Variants in LRRC27 observed in about 807,000 individuals in gnomAD.
The protein encoded by LRRC27 is leucine rich repeat containing 27.
A neutral mutation model predicts 55.0 loss-of-function variants in LRRC27; 57 were observed. The observed-to-expected ratio is 1.04, with a 90% CI of 0.84 to 1.29. The LOEUF (loss-of-function observed/expected upper bound fraction) is 1.29. Ranked by LOEUF, LRRC27 falls within the 50% of genes most tolerant of loss-of-function variation. The pLI is 0.00. For missense variants in LRRC27, 721 were observed against 651.5 expected (o/e 1.11, Z -1.16); for synonymous variants, 278 against 251.9 (o/e 1.10, Z -0.98).
intron 8 of LRRC27, among the ~76,000 whole-genome samples, chr10:132,357,813 G>A (rs377605576): frequency 6.6e-6 from 1 of 152,256 alleles, no homozygotes; most frequent in Non-Finnish European, 1.5e-5. Context: ...TTGATGGCCT[G>A]CTCTGAGCAG....
At chr10:132,364,782 ACGCCC>A (rs2068954916) in intron 9 of LRRC27, among the ~76,000 whole-genome samples, 1 of 118,554 alleles carries the variant, frequency 8.4e-6, no homozygotes, top group African/African-American at 3.6e-5. Flanking sequence ...ATCTACCTCC[ACGCCC>A]ACACTCACAC....
chr10:132,359,218 G>T (rs1000212496), intron 8 of LRRC27, among the ~76,000 whole-genome samples: 1 of 152,018 alleles, frequency 6.6e-6, no homozygotes, highest in Non-Finnish European at 1.5e-5. Flanking sequence ...GCCACCAGCT[G>T]CTCGGAAGGC....
chr10:132,362,831 C>A (rs1265588631), intron 9 of LRRC27, among the ~76,000 whole-genome samples: 1 of 147,810 alleles, frequency 6.8e-6, no homozygotes, highest in African/African-American at 2.6e-5. Context: ...TCTTACCTCA[C>A]AGCAGCTCGG....
chr10:132,337,391 T>C, intron 2 of LRRC27, 174 bp from the exon 3 acceptor site: 1 of 1,384,354 alleles, frequency 7.2e-7, no homozygotes, highest in East Asian at 2.6e-5. Context: ...TTCTTTCTGA[T>C]TCTTTTGTCT....
rs76759658 is a variant in LRRC27, at chr10:132,358,679, T to C, written c.1171-2778T>C. Among the ~76,000 whole-genome samples the C allele has an allele frequency of 1.8e-3, 38 of 21,368 alleles. 1 individual carries two copies. Among genetic ancestry groups the C allele is most frequent in the East Asian group, 0.016 (6 of 374 alleles). The allele number at this position is 21,368 out of a possible 152,430, so 14.0% of individuals were successfully genotyped here. A position where few individuals can be genotyped will look rare whatever the true frequency, so the allele number is the denominator to read the frequency against. On this transcript the variant is annotated intron_variant, in intron 8 of 10. Coordinates refer to ENST00000368614, the MANE Select transcript of LRRC27 (RefSeq NM_030626.3). Reference sequence around the variant, plus strand: ...GGGAGGAGCCGAGGTGGTGGAGCAGTGTGGGGAGGAGCCGAGGTGGTAGAG... The same window carrying C: ...GGGAGGAGCCGAGGTGGTGGAGCAGCGTGGGGAGGAGCCGAGGTGGTAGAG...
upstream of LRRC27, chr10:132,331,363 G>A (rs942718432): frequency 2.0e-5 from 29 of 1,474,894 alleles, no homozygotes; most frequent in South Asian, 3.2e-4. Context: ...AGGACCACGC[G>A]AGCACCTCCC....
rs2068282184 is a variant in LRRC27, at chr10:132,355,835, G to A, written c.1119G>A (p.Met373Ile). ...LQEWRERAQR[M>I]RKRKEELSKL... is the part of the protein sequence containing the mutation. ...AGTGGAGAGAGCGAGCCCAGAGGATGAGGAAGAGGAAGGAAGAGCTCAGCA... is the reference window on the plus strand; with the variant it reads ...AGTGGAGAGAGCGAGCCCAGAGGATAAGGAAGAGGAAGGAAGAGCTCAGCA... The change falls in exon 8 of 11, where the codon ATG becomes ATA. Residue 373 changes from methionine to isoleucine, a missense_variant. Physicochemically the swap from Met to Ile is conservative, Grantham distance 10 (BLOSUM62 1). Transcript: ENST00000368614. 2 of 1,558,866 alleles carry A rather than the reference G, an allele frequency of 1.3e-6. No homozygotes were observed. Among genetic ancestry groups the A allele is most frequent in the East Asian group, 2.4e-5 (1 of 41,356 alleles).
chr10:132,337,957 G>A (rs368218646), intron 3 of LRRC27, among the ~76,000 whole-genome samples: 1 of 152,288 alleles, frequency 6.6e-6, no homozygotes, highest in African/African-American at 2.4e-5. Context: ...TGTCACAGCC[G>A]ATTCCAGCTC....
intron 10 of LRRC27, among the ~76,000 whole-genome samples, chr10:132,373,673 A>C (rs1252456961): frequency 6.6e-6 from 1 of 152,196 alleles, no homozygotes; most frequent in African/African-American, 2.4e-5. Flanking sequence ...TGTTCTATCA[A>C]AACAAGGGAG....
chr10:132,353,452 GCA>G (rs2068163867), intron 7 of LRRC27: 1 of 984,240 alleles, frequency 1.0e-6, no homozygotes, highest in African/African-American at 1.7e-5. Context: ...GCTGTGTCCA[GCA>G]CACAGATTCT....
In LRRC27 at chr10:132,351,674, G is replaced by A. The variant is rs765629655; in HGVS notation, c.994G>A (p.Ala332Thr). The change falls in exon 7 of 11, where the codon GCA becomes ACA. Residue 332 changes from alanine (A) to threonine (T), a missense_variant. Transcript: ENST00000368614. ...LLSPYQMAIRAKRLEESRAAA... is the reference protein window; with the variant it reads ...LLSPYQMAIRTKRLEESRAAA... ...GTCACCGTACCAAATGGCGATCCGA[G>A]CAAAAAGACTGGAAGAGAGCCGAGC... is the stretch of plus-strand genomic sequence containing the variant. 1.2e-6 allele frequency: 2 copies of A among 1,614,052 alleles called. No homozygotes were observed. Among genetic ancestry groups the A allele is most frequent in the Non-Finnish European group, 1.7e-6 (2 of 1,180,010 alleles).
chr10:132,364,755 C>CCG lies in LRRC27; in HGVS notation c.1290-669_1290-668insCG, dbSNP rs1564854868. On this transcript the variant is annotated intron_variant, in intron 9 of 10. Coordinates refer to ENST00000368614, the MANE Select transcript of LRRC27 (RefSeq NM_030626.3). The stretch of plus-strand genomic sequence containing the variant: ...ACTTACATCTACCTCCACGCCCACA[C>CCG]TTACACTCATGCTTACATCTACCTC... 5.6e-5 allele frequency among the ~76,000 whole-genome samples: 8 copies of CCG among 143,138 alleles called. 1 individual carries two copies. Among genetic ancestry groups the CCG allele is most frequent in the African/African-American group, 1.0e-4 (4 of 38,768 alleles). The allele number at this position is 143,138 out of a possible 152,430, so 93.9% of individuals were successfully genotyped here.
chr10:132,365,164 G>A (rs1329146252), intron 9 of LRRC27, among the ~76,000 whole-genome samples: 1 of 152,240 alleles, frequency 6.6e-6, no homozygotes, highest in Non-Finnish European at 1.5e-5. Flanking sequence ...AATAAGAATA[G>A]TGTGTGTTCT....
Position 132,364,479 on chromosome 10 carries a change from A to ACCCTTACATCTACCTCCACG in LRRC27, c.1290-942_1290-941insTTACATCTACCTCCACGCCC, listed in dbSNP as rs1564853613. On this transcript the variant is annotated intron_variant, in intron 9 of 10. Coordinates refer to ENST00000368614, the MANE Select transcript of LRRC27 (RefSeq NM_030626.3). ...CTCACACCCACCCACACTTACACCC[A>ACCCTTACATCTACCTCCACG]CCCACACTTACACCCACCCTTACAT... 1.3e-4 allele frequency among the ~76,000 whole-genome samples: 15 copies of ACCCTTACATCTACCTCCACG among 112,420 alleles called. 3 individuals are homozygous for ACCCTTACATCTACCTCCACG. The highest frequency in any genetic ancestry group is 4.8e-4 in the African/African-American group (11 of 23,108). The allele number at this position is 112,420 out of a possible 152,430, so 73.8% of individuals were successfully genotyped here. A position where few individuals can be genotyped will look rare whatever the true frequency, so the allele number is the denominator to read the frequency against.
At chr10:132,331,635 G>A (rs756074321), upstream of LRRC27, 1 of 1,612,728 alleles carries the variant, frequency 6.2e-7, no homozygotes, top group Non-Finnish European at 8.5e-7. Flanking sequence ...AGCGAGGACC[G>A]CTCCAAAGGT....
chr10:132,361,386 C>A, intron 8 of LRRC27, 71 bp from the exon 9 acceptor site: 1 of 1,303,048 alleles, frequency 7.7e-7, no homozygotes, highest in Non-Finnish European at 1.1e-6. Flanking sequence ...TCTAACACAC[C>A]TTGCAGGTTA....
rs567052639 is a variant in LRRC27, at chr10:132,377,233, G to A, written c.*1991G>A. On this transcript the variant is annotated 3_prime_UTR_variant, in exon 11 of 11. Transcript: ENST00000368614. ...GCCAGTTCTGTGTTTCAGTTACAGT[G>A]TTTGGCCCTCACATTTAAGGTGCGT... 1 of 152,298 alleles carries A rather than the reference G, an allele frequency of 6.6e-6. No homozygotes were observed. The highest frequency in any genetic ancestry group is 2.4e-5 in the African/African-American group (1 of 41,550). The allele number at this position is 152,298 out of a possible 1,614,324, so 9.4% of individuals were successfully genotyped here.
chr10:132,336,860 A>C (rs976115037), intron 2 of LRRC27: 1 of 730,698 alleles, frequency 1.4e-6, no homozygotes, highest in Admixed American at 2.2e-5. Flanking sequence ...CATTAATGAC[A>C]GTATTGTAAA....
At chr10:132,337,466 T>C (rs2067191278) in intron 2 of LRRC27, 99 bp from the exon 3 acceptor site, 13 of 1,526,560 alleles carry the variant, frequency 8.5e-6, no homozygotes, top group Non-Finnish European at 1.1e-5. Flanking sequence ...TATACGGTTC[T>C]GGTTGTTAGT....
Sources: gnomAD v4.1 joint callset for allele counts (sites outside exome capture counted in the v4.1 genomes callset) on GRCh38, gnomAD v4.1.1 for gene constraint, MANE v1.5 for transcripts, NCBI Gene and HGNC (gene_info 2026-07-23, HGNC 2026-07-21) for gene names.